Variants in CBLB observed in about 807,000 individuals in gnomAD.
The protein encoded by CBLB is E3 ubiquitin-protein ligase CBL-B.
In CBLB, 31 loss-of-function variants were observed where a neutral mutation model predicts 104.9. The ratio of observed to expected loss-of-function variants is 0.30; its 90% CI spans 0.22 to 0.40. CBLB has a LOEUF of 0.40. CBLB is among the 10% of genes least tolerant of loss of function. The pLI, the probability that CBLB is intolerant of heterozygous loss-of-function variation, is 1.00. For synonymous variants in CBLB, 440 were observed against 422.6 expected (o/e 1.04, Z -0.51); for missense variants, 1,062 against 1,214.6 (o/e 0.87, Z 1.87).
chr3:105,660,659 C>T (rs12695121), intron 18 of CBLB, among the ~76,000 whole-genome samples: 151,785 of 152,316 alleles, frequency 1, 75,631 homozygotes, highest in East Asian at 1. Context: ...AAAAGCCAAA[C>T]GTCTCATGCT....
chr3:105,788,287 G>A (rs2152990035), intron 3 of CBLB, among the ~76,000 whole-genome samples: 1 of 152,038 alleles, frequency 6.6e-6, no homozygotes, highest in East Asian at 1.9e-4. Flanking sequence ...GGAGCAGAAG[G>A]ACAAATTTAT....
chr3:105,812,560 A>G (rs1382677612), intron 3 of CBLB, among the ~76,000 whole-genome samples: 1 of 152,230 alleles, frequency 6.6e-6, no homozygotes, highest in African/African-American at 2.4e-5. Context: ...AGCTCCAAGT[A>G]GAAATGAGCA....
At chr3:105,835,786 C>T (rs931482698) in intron 3 of CBLB, among the ~76,000 whole-genome samples, 2 of 152,152 alleles carry the variant, frequency 1.3e-5, no homozygotes, top group Non-Finnish European at 2.9e-5. Context: ...TGTTTACTTG[C>T]CATCTGTCTC....
chr3:105,817,577 A>C (rs1416181917), intron 3 of CBLB, among the ~76,000 whole-genome samples: 1 of 152,176 alleles, frequency 6.6e-6, no homozygotes, highest in African/African-American at 2.4e-5. Flanking sequence ...TATTCTAAAA[A>C]ACTATCGGGA....
chr3:105,865,053 T>G (rs368846409), intron 2 of CBLB, among the ~76,000 whole-genome samples: 21 of 152,192 alleles, frequency 1.4e-4, no homozygotes, highest in African/African-American at 5.1e-4. Context: ...ACTAAATTCA[T>G]GCTATTGCAG....
At position 105,745,996 on chromosome 3, in the gene CBLB, T is replaced by C; in HGVS notation, c.766A>G (p.Thr256Ala). The change falls in exon 6 of 19, where the codon ACA becomes GCA. Residue 256 changes from threonine to alanine, a missense_variant. This residue lies in a region of CBLB where 457 missense variants were observed against 632.0 expected (regional missense o/e 0.72). Coordinates refer to ENST00000394030, the MANE Select transcript of CBLB (RefSeq NM_170662.5). Reference protein sequence around the residue: ...ILRNWNFLAVTHPGYMAFLTY... With the variant: ...ILRNWNFLAVAHPGYMAFLTY... ...AGAAATGCCATGTAACCTGGATGTGTCACAGCTAAGAAATTCCAATTCCGC... is the reference window on the plus strand; with the variant it reads ...AGAAATGCCATGTAACCTGGATGTGCCACAGCTAAGAAATTCCAATTCCGC... 6.2e-7 allele frequency: 1 copy of C among 1,611,130 alleles called. No individual in the cohort carries two copies. The highest frequency in any genetic ancestry group is 1.7e-4 in the Middle Eastern group (1 of 6,054).
intron 3 of CBLB, among the ~76,000 whole-genome samples, chr3:105,826,931 C>G (rs903239429): frequency 1.3e-5 from 2 of 152,120 alleles, no homozygotes; most frequent in Non-Finnish European, 2.9e-5. Context: ...TGTGTTCACT[C>G]CCTGGTTTTC....
At chr3:105,757,001 G>A (rs2077143970) in intron 4 of CBLB, among the ~76,000 whole-genome samples, 1 of 152,082 alleles carries the variant, frequency 6.6e-6, no homozygotes, top group Admixed American at 6.5e-5. Context: ...GCTCTCTCTT[G>A]CTCCTGCTCT....
At chr3:105,702,005 A>C in intron 12 of CBLB, 89 bp downstream of exon 12, 1 of 1,496,958 alleles carries the variant, frequency 6.7e-7, no homozygotes, top group Non-Finnish European at 9.2e-7. Context: ...ATGCTAGGCA[A>C]AAAAAAACAC....
intron 11 of CBLB, among the ~76,000 whole-genome samples, chr3:105,702,947 A>G (rs1183690466): frequency 6.6e-6 from 1 of 152,168 alleles, no homozygotes. Flanking sequence ...AGCAAAACTG[A>G]TATGGGGGCA....
At chr3:105,793,250 T>C (rs1372729462) in intron 3 of CBLB, among the ~76,000 whole-genome samples, 2 of 151,878 alleles carry the variant, frequency 1.3e-5, no homozygotes, top group Non-Finnish European at 2.9e-5. Context: ...CGCTACATTC[T>C]GGTACCTGAG....
Position 105,672,259 on chromosome 3 carries a change from A to C in CBLB, c.2570-1907T>G, listed in dbSNP as rs186911535. The C allele has an allele frequency of 1.4e-3, 258 of 183,638 alleles. 1 individual carries two copies. Among genetic ancestry groups the C allele is most frequent in the African/African-American group, 5.8e-3 (247 of 42,732 alleles). 11.4% of individuals were successfully genotyped at this position (183,638 alleles called of 1,614,324 possible). A position where few individuals can be genotyped will look rare whatever the true frequency, so the allele number is the denominator to read the frequency against. The stretch of plus-strand genomic sequence containing the variant: ...CATAGACTATAAAATATACCACTGT[A>C]CTATATTCTTCCATTAAACTATATT... On this transcript the variant is annotated intron_variant, in intron 17 of 18. Coordinates refer to ENST00000394030, the MANE Select transcript of CBLB (RefSeq NM_170662.5).
intron 4 of CBLB, among the ~76,000 whole-genome samples, chr3:105,757,447 C>G (rs1170420073): frequency 6.6e-6 from 1 of 152,158 alleles, no homozygotes; most frequent in African/African-American, 2.4e-5. Flanking sequence ...CTATGTGCGA[C>G]TTTCTGACGC....
At chr3:105,680,612 G>A (rs953063853) in intron 16 of CBLB, among the ~76,000 whole-genome samples, 10 of 152,178 alleles carry the variant, frequency 6.6e-5, no homozygotes, top group African/African-American at 2.4e-4. Flanking sequence ...ACTACAGAGA[G>A]AACAGGAGCA....
At position 105,799,652 on chromosome 3, in the gene CBLB, G is replaced by A. The variant is rs553169069; in HGVS notation, c.420-23110C>T. 3.9e-5 allele frequency among the ~76,000 whole-genome samples: 6 copies of A among 152,054 alleles called. No homozygotes were observed. In the South Asian group the frequency reaches 1.2e-3, roughly 32 times the overall value. ...TCTATAATATTCACCCTATAACCCA[G>A]AAAACAATAAAATGTTTTTTTAAAC... On this transcript the variant is annotated intron_variant, in intron 3 of 18. Transcript: ENST00000394030.
At chr3:105,752,839 G>A (rs2076712528) in intron 4 of CBLB, among the ~76,000 whole-genome samples, 1 of 152,168 alleles carries the variant, frequency 6.6e-6, no homozygotes, top group Admixed American at 6.5e-5. Context: ...GCATTGGGGT[G>A]GGGCCTGAAC....
chr3:105,760,523 A>G (rs2077515294), intron 4 of CBLB, among the ~76,000 whole-genome samples: 2 of 152,274 alleles, frequency 1.3e-5, no homozygotes, highest in South Asian at 4.1e-4. Context: ...TAAATAAAAT[A>G]AAAAAATTTC....
intron 4 of CBLB, among the ~76,000 whole-genome samples, chr3:105,773,017 T>C (rs1311224052): frequency 6.6e-6 from 1 of 152,160 alleles, no homozygotes; most frequent in Admixed American, 6.5e-5. Context: ...TGCCATTCAA[T>C]CCAGCAATCC....
In CBLB at chr3:105,704,100, G is replaced by C. The variant is rs748478012; in HGVS notation, c.1481C>G (p.Pro494Arg). The C allele has an allele frequency of 6.2e-7, 1 of 1,614,160 alleles. No individual in the cohort carries two copies. The highest frequency in any genetic ancestry group is 2.2e-5 in the East Asian group (1 of 44,872). The change falls in exon 11 of 19, where the codon CCT (proline) becomes CGT (arginine). Residue 494 changes from proline (P) to arginine (R), a missense_variant. Physicochemically the swap from Pro to Arg is moderately radical, Grantham distance 103. Coordinates refer to ENST00000394030, the MANE Select transcript of CBLB (RefSeq NM_170662.5). ...TAGATGTGGGATCTGGAGTGGGTCA[G>C]GCTGTGGCTTTCTTCTCTGGGCAAG... Reference protein sequence around the residue: ...SPLAQRRKPQPDPLQIPHLSL... With the variant: ...SPLAQRRKPQRDPLQIPHLSL...
Sources: gnomAD v4.1 joint callset for allele counts (sites outside exome capture counted in the v4.1 genomes callset) on GRCh38, gnomAD v4.1.1 for gene constraint, gnomAD v4.1.1 regional missense constraint, MANE v1.5 for transcripts, NCBI Gene and HGNC (gene_info 2026-07-23, HGNC 2026-07-21) for gene names.